Variants in DOCK1 observed in about 807,000 individuals in gnomAD.
The protein encoded by DOCK1 is dedicator of cytokinesis protein 1.
A neutral mutation model predicts 262.7 loss-of-function variants in DOCK1; 138 were observed. That is an observed-to-expected ratio of 0.53 (90% confidence interval 0.46 to 0.61). DOCK1 has a LOEUF of 0.61. Among genes scored for constraint, DOCK1 ranks in the 20% least tolerant of loss-of-function variants. DOCK1 has a pLI of 0.00. For synonymous variants in DOCK1, 866 were observed against 867.4 expected (o/e 1.00, Z 0.03); for missense variants, 1,908 against 2,370.7 (o/e 0.80, Z 4.05).
intron 28 of DOCK1, among the ~76,000 whole-genome samples, chr10:127,250,977 T>C (rs2059616156): frequency 6.6e-6 from 1 of 152,026 alleles, no homozygotes; most frequent in Admixed American, 6.6e-5. Context: ...CGATTTTTTT[T>C]TTGAGACAGA....
chr10:127,410,690 T>G (rs11017943), intron 42 of DOCK1, 150 bp from the exon 43 acceptor site: 227,480 of 595,944 alleles, frequency 0.38, 47,177 homozygotes, highest in East Asian at 0.64. Context: ...TTTCCCTGGC[T>G]GGGAGAGGAC....
chr10:127,252,288 C>G (rs1238179658), intron 28 of DOCK1, among the ~76,000 whole-genome samples: 1 of 149,810 alleles, frequency 6.7e-6, no homozygotes, highest in Non-Finnish European at 1.5e-5. Context: ...GGATATTAGC[C>G]CTTTGTCAGA....
chr10:126,919,005 G>A (rs935381119), intron 1 of DOCK1, among the ~76,000 whole-genome samples: 6 of 109,486 alleles, frequency 5.5e-5, no homozygotes, highest in African/African-American at 1.9e-4. Flanking sequence ...GGGCCCTTCG[G>A]CCAAGCTTCT....
chr10:127,049,036 T>C (rs977532120), intron 21 of DOCK1, among the ~76,000 whole-genome samples: 4 of 148,906 alleles, frequency 2.7e-5, no homozygotes, highest in African/African-American at 9.8e-5. Context: ...GGTATAACAA[T>C]TGGAAAGAAA....
At chr10:126,961,080 T>C (rs2037181661) in intron 1 of DOCK1, among the ~76,000 whole-genome samples, 1 of 152,106 alleles carries the variant, frequency 6.6e-6, no homozygotes, top group Non-Finnish European at 1.5e-5. Context: ...AAAAGAAATA[T>C]TGAATAACAA....
chr10:126,974,137 A>G (rs962790992), intron 2 of DOCK1, among the ~76,000 whole-genome samples: 2 of 152,064 alleles, frequency 1.3e-5, no homozygotes, highest in Non-Finnish European at 2.9e-5. Flanking sequence ...CTACCTCCAG[A>G]TAGGAGAGGT....
At chr10:127,038,696 C>T (rs768276627) in intron 19 of DOCK1, among the ~76,000 whole-genome samples, 1 of 152,178 alleles carries the variant, frequency 6.6e-6, no homozygotes, top group Non-Finnish European at 1.5e-5. Context: ...ACCCTTGTGG[C>T]CTCAGCATCT....
intron 6 of DOCK1, among the ~76,000 whole-genome samples, chr10:126,994,112 T>C (rs776759924): frequency 1.3e-5 from 2 of 152,300 alleles, no homozygotes; most frequent in Non-Finnish European, 2.9e-5. Flanking sequence ...GAGGCACCTA[T>C]GGTTAATTTT....
chr10:127,043,238 A>T, intron 21 of DOCK1, 74 bp downstream of exon 21: 2 of 1,201,514 alleles, frequency 1.7e-6, no homozygotes, highest in Non-Finnish European at 2.4e-6. Flanking sequence ...TTTTTCATGT[A>T]CTTTTGTCTA....
intron 29 of DOCK1, among the ~76,000 whole-genome samples, chr10:127,317,693 G>T (rs567120760): frequency 1.3e-5 from 2 of 149,134 alleles, no homozygotes; most frequent in Admixed American, 6.9e-5. Flanking sequence ...GCCTCATATA[G>T]TTGGGTTAGT....
intron 26 of DOCK1, 130 bp from the exon 27 acceptor site, chr10:127,127,539 C>G (rs545970661): frequency 1.3e-5 from 7 of 548,486 alleles, no homozygotes; most frequent in African/African-American, 1.1e-4. Flanking sequence ...TTGACAAGGG[C>G]CATTTTTCAT....
At chr10:127,316,384 A>C (rs143493525) in intron 29 of DOCK1, among the ~76,000 whole-genome samples, 1 of 152,336 alleles carries the variant, frequency 6.6e-6, no homozygotes, top group African/African-American at 2.4e-5. Flanking sequence ...ATGTGACGAT[A>C]AAACTCCATC....
At chr10:127,174,243 C>T (rs2054854469) in intron 27 of DOCK1, among the ~76,000 whole-genome samples, 1 of 152,222 alleles carries the variant, frequency 6.6e-6, no homozygotes, top group Non-Finnish European at 1.5e-5. Context: ...CAACAGGGCG[C>T]TGCCTCCGAT....
At chr10:127,304,721 CA>C (rs1222426736) in intron 29 of DOCK1, among the ~76,000 whole-genome samples, 6 of 151,964 alleles carry the variant, frequency 3.9e-5, no homozygotes, top group African/African-American at 1.5e-4. Flanking sequence ...CTCATCTCTA[CA>C]AAAAATAAAA....
rs2068293123 is a variant in DOCK1 at position 127,418,492 on chromosome 10, A to G, written c.4643A>G (p.Asn1548Ser). 1.9e-6 allele frequency: 3 copies of G among 1,613,962 alleles called. No homozygotes were observed. The highest frequency in any genetic ancestry group is 1.1e-5 in the South Asian group (1 of 91,084). The change falls in exon 45 of 52, where the codon AAC becomes AGC. Residue 1548 changes from asparagine to serine, a missense_variant. Asn to Ser is a conservative substitution (Grantham distance 46, BLOSUM62 1). This residue lies in a region of DOCK1 where 57 missense variants were observed against 103.1 expected (regional missense o/e 0.55). Coordinates refer to ENST00000623213, the MANE Select transcript of DOCK1 (RefSeq NM_001290223.2). ...LPINPLSMLLNGIVDPAVMGG... is the reference protein window; with the variant it reads ...LPINPLSMLLSGIVDPAVMGG... ...ATCAACCCGCTCTCCATGCTCCTGA[A>G]CGGCATCGTGGACCCAGCTGTCATG...
intron 23 of DOCK1, among the ~76,000 whole-genome samples, chr10:127,093,218 C>CTTTCTTTGTTTCTTTCTTTCTTTT (rs1554883888): frequency 2.2e-5 from 1 of 44,506 alleles, no homozygotes. Flanking sequence ...TTCTTTCTTT[C>CTTTCTTTGTTTCTTTCTTTCTTTT]TTTTCTTTCT....
intron 38 of DOCK1, among the ~76,000 whole-genome samples, chr10:127,396,159 TTC>T: frequency 1.7e-5 from 2 of 114,910 alleles, no homozygotes; most frequent in East Asian, 2.2e-4. Flanking sequence ...GCTGGCTGCA[TTC>T]AAGAATCCCG....
intron 35 of DOCK1, among the ~76,000 whole-genome samples, chr10:127,378,311 A>G (rs1182610645): frequency 2.6e-5 from 4 of 152,184 alleles, no homozygotes; most frequent in Non-Finnish European, 2.9e-5. Context: ...TAAAAGATCA[A>G]TGCCTAGCGG....
rs563988187 is a variant in DOCK1 at position 127,172,344 on chromosome 10, C to G, written c.2847+44580C>G. The stretch of plus-strand genomic sequence containing the variant: ...TCAGCAGATGCTACTTCCCTTCCCT[C>G]CAGAGCCTGTTGTTCCAGATGTCCC... On this transcript the variant is annotated intron_variant, in intron 27 of 51. Transcript: ENST00000623213. Among the ~76,000 whole-genome samples the G allele has an allele frequency of 4.4e-4, 67 of 152,302 alleles. 2 individuals carry two copies. Among genetic ancestry groups the G allele is most frequent in the African/African-American group, 1.6e-3 (66 of 41,562 alleles).
Sources: gnomAD v4.1 joint callset for allele counts (sites outside exome capture counted in the v4.1 genomes callset) on GRCh38, gnomAD v4.1.1 for gene constraint, gnomAD v4.1.1 regional missense constraint, MANE v1.5 for transcripts, NCBI Gene and HGNC (gene_info 2026-07-23, HGNC 2026-07-21) for gene names.